Variants in RNF217 observed in about 807,000 individuals in gnomAD.
RNF217 encodes the protein ring finger protein 217.
In RNF217, 31 loss-of-function variants were observed where a neutral mutation model predicts 57.8. That is an observed-to-expected ratio of 0.54 (90% CI 0.40 to 0.72). The LOEUF (loss-of-function observed/expected upper bound fraction) is 0.72, where lower values mean the gene tolerates loss of function less well. Among genes scored for constraint, RNF217 ranks in the 30% least tolerant of loss-of-function variants. The probability of loss-of-function intolerance (pLI) is 0.00; values close to 1 mark genes in which losing one functional copy is unlikely to be tolerated. For synonymous variants in RNF217, 313 were observed against 294.0 expected (o/e 1.06, Z -0.66); for missense variants, 696 against 708.3 (o/e 0.98, Z 0.20).
At chr6:125,013,413 G>A (rs1785491632) in intron 1 of RNF217, among the ~76,000 whole-genome samples, 1 of 150,642 alleles carries the variant, frequency 6.6e-6, no homozygotes, top group African/African-American at 2.4e-5. Context: ...CATGGTCGTG[G>A]AACGGTTCAT....
rs920288882 is a variant in RNF217, at chr6:125,010,639, G to T, written c.883-34572G>T. On this transcript the variant is annotated intron_variant, in intron 1 of 5. Coordinates refer to ENST00000521654, the MANE Select transcript of RNF217 (RefSeq NM_001286398.3). Reference sequence around the variant, plus strand: ...AATAGTTCGTTGTGTTAAAAAAATAGATCTTTACAATTTACTAATAAACTA... The same window carrying T: ...AATAGTTCGTTGTGTTAAAAAAATATATCTTTACAATTTACTAATAAACTA... Among the ~76,000 whole-genome samples the T allele has an allele frequency of 2.0e-5, 3 of 152,250 alleles. No homozygotes were observed. The East Asian group carries it at 5.8e-4, about 29-fold the overall frequency.
Position 125,058,034 on chromosome 6 carries a change from C to A in RNF217, c.1209C>A (p.Asp403Glu). 1 of 1,613,530 alleles carries A rather than the reference C, an allele frequency of 6.2e-7. No homozygotes were observed. The highest frequency in any genetic ancestry group is 8.5e-7 in the Non-Finnish European group (1 of 1,179,706). ...GVNCKEYKKG[D>E]KLLRHWASEI... The stretch of plus-strand genomic sequence containing the variant: ...ACTGCAAGGAGTACAAAAAAGGAGA[C>A]AAATTGTTGCGTCACTGGGCCAGCG... The change falls in exon 3 of 6, where the codon GAC becomes GAA. Residue 403 changes from aspartate (D) to glutamate (E), a missense_variant. By Grantham distance (45) the Asp-to-Glu change is conservative. Around this residue, in one of 2 missense-constraint regions of RNF217, gnomAD observed 231 missense variants for 321.4 expected, o/e 0.72. Coordinates refer to ENST00000521654, the MANE Select transcript of RNF217 (RefSeq NM_001286398.3).
In RNF217 at chr6:125,069,812, T is replaced by C. The variant is rs569966714; in HGVS notation, c.1282-6845T>C. Among the ~76,000 whole-genome samples the C allele has an allele frequency of 7.3e-4, 111 of 152,324 alleles. 1 individual carries two copies. Among genetic ancestry groups the C allele is most frequent in the African/African-American group, 2.6e-3 (109 of 41,592 alleles). ...AGCCTCACCAGCATCTGTTGTTTTT[T>C]GACTTTTTAATAATACCCATTCTGA... On this transcript the variant is annotated intron_variant, in intron 3 of 5. Transcript: ENST00000521654.
At chr6:125,082,289 TG>T (rs1422734410) in intron 5 of RNF217, among the ~76,000 whole-genome samples, 4 of 152,126 alleles carry the variant, frequency 2.6e-5, no homozygotes, top group African/African-American at 9.7e-5. Flanking sequence ...ATATATTAGA[TG>T]GGGTTTTTTT....
rs1032824084 is a variant in RNF217, at chr6:124,963,024, A to G, written c.480A>G (p.Arg160=). 14 of 1,593,398 alleles carry G rather than the reference A, an allele frequency of 8.8e-6. No individual in the cohort carries two copies. In the African/African-American group the frequency reaches 1.2e-4, roughly 14 times the overall value. The change falls in exon 1 of 6, where the codon AGA becomes AGG. Residue 160 remains arginine, a synonymous_variant. Coordinates refer to ENST00000521654, the MANE Select transcript of RNF217 (RefSeq NM_001286398.3). The part of the protein sequence containing the change: ...LGQRRPSLAK[R]QVFCSVYCVE... The stretch of plus-strand genomic sequence containing the variant: ...AGCGGCGCCCGTCCCTCGCCAAGAG[A>G]CAAGTCTTCTGCTCCGTGTACTGCG...
intron 3 of RNF217, among the ~76,000 whole-genome samples, chr6:125,064,361 C>T (rs561891117): frequency 5.3e-4 from 80 of 152,196 alleles, no homozygotes; most frequent in Middle Eastern, 3.4e-3. Context: ...GATTGTTTGA[C>T]GGCACATACT....
At chr6:125,067,054 G>C (rs11751039) in intron 3 of RNF217, among the ~76,000 whole-genome samples, 65,755 of 151,954 alleles carry the variant, frequency 0.43, 14,736 homozygotes, top group Middle Eastern at 0.52. Context: ...GGAATCCAAG[G>C]GAGCTAGGTT....
chr6:125,073,609 A>G (rs494856), intron 3 of RNF217, among the ~76,000 whole-genome samples: 100,690 of 152,006 alleles, frequency 0.66, 35,413 homozygotes, highest in African/African-American at 0.89. Flanking sequence ...TGCCCAAATC[A>G]TGATTTGTTG....
chr6:125,058,218 A>C (rs1175890825), intron 3 of RNF217, 112 bp downstream of exon 3: 6 of 874,564 alleles, frequency 6.9e-6, no homozygotes, highest in Non-Finnish European at 9.5e-6. Flanking sequence ...ATGTGGAAAA[A>C]GAGTATTGCT....
chr6:124,987,325 C>CT lies in RNF217; in HGVS notation c.882+23906dup, dbSNP rs1009109180. On this transcript the variant is annotated intron_variant, in intron 1 of 5. Coordinates refer to ENST00000521654, the MANE Select transcript of RNF217 (RefSeq NM_001286398.3). ...CCAGTATCACTACCTAATTTTGAAA[C>CT]TTTTTTTATTCCCCCTAAGAGAAAT... is the stretch of plus-strand genomic sequence containing the variant. 5.9e-5 allele frequency among the ~76,000 whole-genome samples: 9 copies of CT among 152,194 alleles called. 1 individual carries two copies. Among genetic ancestry groups the CT allele is most frequent in the Admixed American group, 3.9e-4 (6 of 15,286 alleles).
At position 125,045,433 on chromosome 6, in the gene RNF217, A is replaced by G; in HGVS notation, c.1105A>G (p.Ser369Gly). 6.2e-7 allele frequency: 1 copy of G among 1,611,738 alleles called. No individual in the cohort carries two copies. Among genetic ancestry groups the G allele is most frequent in the Non-Finnish European group, 8.5e-7 (1 of 1,178,734 alleles). Reference sequence around the variant, plus strand: ...TATTCCCACCCCTTCCAGATCAGAAAGCAAATACAAAGTAAGCATTTTCAC... The same window carrying G: ...TATTCCCACCCCTTCCAGATCAGAAGGCAAATACAAAGTAAGCATTTTCAC... ...GHIPTPSRSE[S>G]KYKIQCPTCQ... The change falls in exon 2 of 6, where the codon AGC (serine) becomes GGC (glycine). Residue 369 changes from serine (S) to glycine (G), a missense_variant. Transcript: ENST00000521654.
chr6:125,012,394 CT>C (rs1252955938), intron 1 of RNF217, among the ~76,000 whole-genome samples: 5 of 152,208 alleles, frequency 3.3e-5, no homozygotes, highest in Admixed American at 6.5e-5. Flanking sequence ...TCCGTCATGT[CT>C]ACAGTGTGTT....
chr6:125,044,009 T>G (rs1258395020), intron 1 of RNF217, among the ~76,000 whole-genome samples: 1 of 152,034 alleles, frequency 6.6e-6, no homozygotes, highest in Non-Finnish European at 1.5e-5. Flanking sequence ...CTACCTTACC[T>G]CAAGTTTGTG....
At chr6:124,993,383 C>T (rs548244377) in intron 1 of RNF217, among the ~76,000 whole-genome samples, 33 of 152,276 alleles carry the variant, frequency 2.2e-4, no homozygotes, top group African/African-American at 7.9e-4. Context: ...CCTCCCCTCC[C>T]GTCCTTTCCA....
chr6:125,043,234 T>C (rs868072611), intron 1 of RNF217, among the ~76,000 whole-genome samples: 6 of 152,030 alleles, frequency 3.9e-5, no homozygotes, highest in Non-Finnish European at 8.8e-5. Context: ...GTTGATCCAA[T>C]TGGGGTATGC....
intron 2 of RNF217, among the ~76,000 whole-genome samples, chr6:125,056,789 G>A (rs1056142379): frequency 1.3e-5 from 2 of 152,170 alleles, no homozygotes; most frequent in South Asian, 4.1e-4. Context: ...ATCACATGGG[G>A]CTCTGTAAGT....
intron 1 of RNF217, among the ~76,000 whole-genome samples, chr6:125,042,251 T>C (rs1441733480): frequency 6.6e-6 from 1 of 152,082 alleles, no homozygotes; most frequent in Non-Finnish European, 1.5e-5. Context: ...AAACTGCCAA[T>C]TACTGGCTTG....
chr6:125,012,537 T>C (rs891718910), intron 1 of RNF217, among the ~76,000 whole-genome samples: 1 of 152,110 alleles, frequency 6.6e-6, no homozygotes, highest in Non-Finnish European at 1.5e-5. Context: ...GTGAACCTCA[T>C]TGATAATGGT....
chr6:125,076,053 A>G (rs1332359107), intron 3 of RNF217, among the ~76,000 whole-genome samples: 1 of 152,128 alleles, frequency 6.6e-6, no homozygotes, highest in Non-Finnish European at 1.5e-5. Context: ...GACTGCAACA[A>G]TAGAGGAAGG....
Sources: gnomAD v4.1 joint callset for allele counts (sites outside exome capture counted in the v4.1 genomes callset) on GRCh38, gnomAD v4.1.1 for gene constraint, gnomAD v4.1.1 regional missense constraint, MANE v1.5 for transcripts, NCBI Gene and HGNC (gene_info 2026-07-23, HGNC 2026-07-21) for gene names.